ASTN2: variants seen among roughly 807,000 people sequenced by gnomAD.
ASTN2 encodes the protein astrotactin 2.
A neutral mutation model predicts 139.8 loss-of-function variants in ASTN2; 54 were observed. The ratio of observed to expected loss-of-function variants is 0.39; its 90% CI spans 0.31 to 0.48. The LOEUF (loss-of-function observed/expected upper bound fraction) is 0.48. Ranked by LOEUF, ASTN2 falls within the 20% of genes least tolerant of loss-of-function variation. The pLI is 0.95. For missense variants in ASTN2, 1,565 were observed against 1,725.1 expected, an observed-to-expected ratio of 0.91 and a Z score of 1.64; for synonymous variants, 756 against 719.5, an observed-to-expected ratio of 1.05 and a Z score of -0.81.
At chr9:117,307,594 T>C (rs938076742) in intron 1 of ASTN2, among the ~76,000 whole-genome samples, 1 of 152,220 alleles carries the variant, frequency 6.6e-6, no homozygotes, top group Non-Finnish European at 1.5e-5. Flanking sequence ...ATGTACATCA[T>C]GCATGCTCCA....
At chr9:117,257,417 G>A (rs566313985) in intron 2 of ASTN2, among the ~76,000 whole-genome samples, 142 of 152,322 alleles carry the variant, frequency 9.3e-4, no homozygotes, top group African/African-American at 3.2e-3. Context: ...TCAATCTGGA[G>A]AGGTCTTTCT....
chr9:117,360,680 A>T (rs973958407), intron 1 of ASTN2, among the ~76,000 whole-genome samples: 1 of 152,108 alleles, frequency 6.6e-6, no homozygotes, highest in Admixed American at 6.6e-5. Flanking sequence ...CTATGTTCTG[A>T]GGGTCACTGG....
At chr9:116,834,802 C>T (rs1480045197) in intron 11 of ASTN2, among the ~76,000 whole-genome samples, 11 of 152,182 alleles carry the variant, frequency 7.2e-5, no homozygotes. Flanking sequence ...AATCCCAGCA[C>T]ATTGGGAGGC....
chr9:116,784,929 C>CAAAA (rs58241855), intron 13 of ASTN2, among the ~76,000 whole-genome samples: 7 of 104,138 alleles, frequency 6.7e-5, no homozygotes, highest in Admixed American at 1.0e-4. Flanking sequence ...AACTCCGCCT[C>CAAAA]AAAAAAAAAA....
intron 16 of ASTN2, among the ~76,000 whole-genome samples, chr9:116,695,385 A>T (rs1860791289): frequency 6.6e-6 from 1 of 152,218 alleles, no homozygotes; most frequent in Non-Finnish European, 1.5e-5. Context: ...GAAGTGGGAT[A>T]TCAGGGAGGA....
chr9:116,769,282 T>G (rs997909194), intron 13 of ASTN2, among the ~76,000 whole-genome samples: 1 of 152,246 alleles, frequency 6.6e-6, no homozygotes, highest in Non-Finnish European at 1.5e-5. Context: ...GAATCACATC[T>G]ATTGGATATA....
At chr9:116,870,520 G>C (rs935281169) in intron 10 of ASTN2, among the ~76,000 whole-genome samples, 2 of 152,082 alleles carry the variant, frequency 1.3e-5, no homozygotes, top group African/African-American at 2.4e-5. Context: ...AGCTGTTTCT[G>C]TTCCTATATA....
chr9:117,393,458 G>T (rs1320163757), intron 1 of ASTN2, among the ~76,000 whole-genome samples: 3 of 152,096 alleles, frequency 2.0e-5, no homozygotes, highest in Non-Finnish European at 4.4e-5. Context: ...AGACAGAAAA[G>T]AGAAGAAATT....
chr9:116,514,922 T>C (rs1218187640), intron 19 of ASTN2, among the ~76,000 whole-genome samples: 1 of 152,170 alleles, frequency 6.6e-6, no homozygotes, highest in Non-Finnish European at 1.5e-5. Context: ...GGAAAGGGAA[T>C]TCCCTGACCC....
intron 16 of ASTN2, among the ~76,000 whole-genome samples, chr9:116,677,296 C>A (rs1360502025): frequency 6.6e-6 from 1 of 151,936 alleles, no homozygotes; most frequent in South Asian, 2.1e-4. Flanking sequence ...AGAGGAGGCA[C>A]CATAGACCCT....
intron 13 of ASTN2, among the ~76,000 whole-genome samples, chr9:116,777,693 A>G (rs971025160): frequency 5.9e-5 from 9 of 152,222 alleles, no homozygotes; most frequent in East Asian, 5.8e-4. Context: ...TGATGTTCCA[A>G]TCTAAGACCA....
At chr9:117,235,829 A>G (rs891484410) in intron 2 of ASTN2, among the ~76,000 whole-genome samples, 16 of 152,154 alleles carry the variant, frequency 1.1e-4, no homozygotes, top group African/African-American at 3.6e-4. Context: ...GTCCAAGGTG[A>G]GTGAGGCACT....
intron 22 of ASTN2, among the ~76,000 whole-genome samples, chr9:116,428,670 G>A (rs940461164): frequency 1.3e-5 from 2 of 152,104 alleles, no homozygotes; most frequent in Non-Finnish European, 2.9e-5. Context: ...TAGGAACTAG[G>A]GCAGTGGTTG....
At chr9:117,153,621 T>G (rs1344991415) in intron 3 of ASTN2, among the ~76,000 whole-genome samples, 1 of 152,092 alleles carries the variant, frequency 6.6e-6, no homozygotes, top group South Asian at 2.1e-4. Flanking sequence ...AATACTACTT[T>G]AGGGCTTATT....
chr9:117,324,978 G>A (rs7027083), intron 1 of ASTN2, among the ~76,000 whole-genome samples: 1,634 of 152,266 alleles, frequency 0.011, 33 homozygotes, highest in African/African-American at 0.038. Flanking sequence ...GGCAGAACTT[G>A]TCTAGGCCCC....
intron 10 of ASTN2, among the ~76,000 whole-genome samples, chr9:116,900,340 A>C (rs1833976356): frequency 6.6e-6 from 1 of 152,206 alleles, no homozygotes; most frequent in Non-Finnish European, 1.5e-5. Context: ...ATCAAGATTC[A>C]GAGAGTGTGG....
chr9:117,257,730 C>T (rs925515788), intron 2 of ASTN2, among the ~76,000 whole-genome samples: 1 of 152,168 alleles, frequency 6.6e-6, no homozygotes, highest in African/African-American at 2.4e-5. Flanking sequence ...ATGATATATA[C>T]CTCTCTCCAT....
chr9:116,482,851 G>C (rs1405155163), intron 20 of ASTN2, among the ~76,000 whole-genome samples: 1 of 152,204 alleles, frequency 6.6e-6, no homozygotes, highest in Non-Finnish European at 1.5e-5. Context: ...AGGGAGGTGA[G>C]GGCGGGTCTG....
chr9:117,252,199 G>C (rs1016179293), intron 2 of ASTN2, among the ~76,000 whole-genome samples: 6 of 152,172 alleles, frequency 3.9e-5, no homozygotes, highest in African/African-American at 1.4e-4. Flanking sequence ...TGAGAAGATA[G>C]AGCCTGAGCA....
Sources: allele counts gnomAD v4.1 joint callset (sites outside exome capture counted in the v4.1 genomes callset), GRCh38; gene constraint gnomAD v4.1.1; transcripts MANE v1.5; gene names NCBI Gene and HGNC (gene_info 2026-07-23, HGNC 2026-07-21).